The following FHIT variants were observed in gnomAD, a reference collection of about 807,000 sequenced individuals.
FHIT encodes the protein fragile histidine triad diadenosine triphosphatase.
In FHIT, 19 loss-of-function variants were observed where a neutral mutation model predicts 17.9. That is an observed-to-expected ratio of 1.06 (90% CI 0.74 to 1.56). FHIT has a LOEUF of 1.56. FHIT is among the 40% of genes most tolerant of loss of function. The pLI is 0.00. For synonymous variants in FHIT, 81 were observed against 69.7 expected (o/e 1.16, Z -0.81); for missense variants, 248 against 189.2 (o/e 1.31, Z -1.82).
intron 4 of FHIT, among the ~76,000 whole-genome samples, chr3:60,577,824 G>A (rs2037620502): frequency 6.6e-6 from 1 of 152,098 alleles, no homozygotes; most frequent in South Asian, 2.1e-4. Context: ...TGCCTCATTG[G>A]CTGTTACAAA....
chr3:60,053,874 T>G (rs991557494), intron 5 of FHIT, among the ~76,000 whole-genome samples: 5 of 152,168 alleles, frequency 3.3e-5, no homozygotes, highest in African/African-American at 1.2e-4. Context: ...AGAAACAACA[T>G]TTTCTTAAAA....
chr3:60,893,465 T>C (rs116114241), intron 3 of FHIT, among the ~76,000 whole-genome samples: 41 of 152,298 alleles, frequency 2.7e-4, no homozygotes, highest in Non-Finnish European at 5.3e-4. Context: ...TCCTACACTT[T>C]AAAGTGTACA....
intron 8 of FHIT, among the ~76,000 whole-genome samples, chr3:59,842,197 A>G (rs969938850): frequency 1.3e-5 from 2 of 152,180 alleles, no homozygotes; most frequent in Non-Finnish European, 2.9e-5. Flanking sequence ...ACTTAGCACA[A>G]TGTCCTCCAG....
intron 5 of FHIT, among the ~76,000 whole-genome samples, chr3:60,045,250 T>C (rs1039168950): frequency 6.6e-6 from 1 of 152,120 alleles, no homozygotes; most frequent in East Asian, 1.9e-4. Context: ...TTCTCAGGTA[T>C]GATAAAGACA....
rs1201872882 is a variant in FHIT, at chr3:60,862,117, G to T, written c.-110-40106C>A. 5.3e-5 allele frequency among the ~76,000 whole-genome samples: 8 copies of T among 152,044 alleles called. No individual in the cohort carries two copies. The East Asian group carries it at 1.5e-3, about 29-fold the overall frequency. ...TGAATATAACTTGGTAAATAAAACA[G>T]ATATAATCCCTGCCCTCATAGAGAT... On this transcript the variant is annotated intron_variant, in intron 3 of 9. Transcript: ENST00000492590.
intron 5 of FHIT, among the ~76,000 whole-genome samples, chr3:60,122,179 A>G (rs1347530743): frequency 6.6e-6 from 1 of 152,152 alleles, no homozygotes; most frequent in African/African-American, 2.4e-5. Flanking sequence ...ACTCAAATGT[A>G]CTGCTAATTA....
chr3:60,657,785 C>A (rs918668439), intron 4 of FHIT, among the ~76,000 whole-genome samples: 2 of 152,162 alleles, frequency 1.3e-5, no homozygotes, highest in Admixed American at 1.3e-4. Context: ...TGATCAGATT[C>A]CATATCCACC....
At chr3:60,841,355 T>C (rs1473663444) in intron 3 of FHIT, among the ~76,000 whole-genome samples, 1 of 152,222 alleles carries the variant, frequency 6.6e-6, no homozygotes, top group Non-Finnish European at 1.5e-5. Flanking sequence ...TTCCCTGTTC[T>C]GGTAATTACA....
intron 8 of FHIT, among the ~76,000 whole-genome samples, chr3:59,764,953 C>G (rs567480204): frequency 6.7e-6 from 1 of 150,150 alleles, no homozygotes; most frequent in East Asian, 2.0e-4. Context: ...AAATGCAATG[C>G]CAGGCTTGGG....
rs757659856 is a variant in FHIT, at chr3:60,635,804, G to A, written c.-17-98825C>T. Among the ~76,000 whole-genome samples the A allele has an allele frequency of 1.5e-3, 229 of 152,210 alleles. 1 individual carries two copies. Among genetic ancestry groups the A allele is most frequent in the Non-Finnish European group, 1.6e-3 (110 of 68,020 alleles). On this transcript the variant is annotated intron_variant, in intron 4 of 9. Transcript: ENST00000492590. ...GGATAAATGTCCAAGAGCAGGGTTGGCAAACTTTTCCCTTAAACGGGCAGA... is the reference window on the plus strand; with the variant it reads ...GGATAAATGTCCAAGAGCAGGGTTGACAAACTTTTCCCTTAAACGGGCAGA...
chr3:60,518,598 A>G (rs1002231787), intron 5 of FHIT, among the ~76,000 whole-genome samples: 7 of 152,244 alleles, frequency 4.6e-5, no homozygotes, highest in African/African-American at 1.7e-4. Flanking sequence ...ATTTAGCAGA[A>G]ACATTACCAA....
chr3:60,077,742 G>T (rs1453799273), intron 5 of FHIT, among the ~76,000 whole-genome samples: 2 of 131,418 alleles, frequency 1.5e-5, no homozygotes, highest in Admixed American at 1.5e-4. Context: ...ATATAGAGGG[G>T]GGGGGGAGGA....
intron 4 of FHIT, among the ~76,000 whole-genome samples, chr3:60,693,701 C>A (rs192810335): frequency 6.6e-6 from 1 of 152,202 alleles, no homozygotes; most frequent in African/African-American, 2.4e-5. Flanking sequence ...CACTTGACCT[C>A]GTCCTGCAAA....
intron 5 of FHIT, among the ~76,000 whole-genome samples, chr3:60,114,726 T>A (rs1576130010): frequency 6.6e-6 from 1 of 152,032 alleles, no homozygotes; most frequent in East Asian, 1.9e-4. Context: ...ATTCTTGGGC[T>A]CAAGCAATGC....
chr3:60,441,757 A>ATATATATATTT (rs1336572305), intron 5 of FHIT, among the ~76,000 whole-genome samples: 7 of 55,940 alleles, frequency 1.3e-4, no homozygotes, highest in African/African-American at 3.4e-4. Context: ...TATATATAAA[A>ATATATATATTT]ATATATATAT....
At chr3:59,917,918 C>G (rs1705211134) in intron 8 of FHIT, among the ~76,000 whole-genome samples, 1 of 152,232 alleles carries the variant, frequency 6.6e-6, no homozygotes, top group Admixed American at 6.5e-5. Context: ...AGTTAGTTAT[C>G]AACTTCGACA....
At chr3:60,713,013 C>T (rs1233317857) in intron 4 of FHIT, among the ~76,000 whole-genome samples, 1 of 151,624 alleles carries the variant, frequency 6.6e-6, no homozygotes, top group Non-Finnish European at 1.5e-5. Flanking sequence ...CTAAAATTGA[C>T]CACATAGTTG....
At chr3:61,153,303 A>C (rs1168150602) in intron 2 of FHIT, among the ~76,000 whole-genome samples, 1 of 152,238 alleles carries the variant, frequency 6.6e-6, no homozygotes, top group Non-Finnish European at 1.5e-5. Context: ...TAACATGAAG[A>C]AATAGATGCT....
intron 5 of FHIT, among the ~76,000 whole-genome samples, chr3:60,136,887 C>G (rs564171100): frequency 6.6e-6 from 1 of 152,160 alleles, no homozygotes; most frequent in African/African-American, 2.4e-5. Flanking sequence ...AAAGGAAGCT[C>G]AAAACTTCAC....
Sources: allele counts gnomAD v4.1 joint callset (sites outside exome capture counted in the v4.1 genomes callset), GRCh38; gene constraint gnomAD v4.1.1; transcripts MANE v1.5; gene names NCBI Gene and HGNC (gene_info 2026-07-23, HGNC 2026-07-21).